GMFB: variants seen among roughly 807,000 people sequenced by gnomAD.
GMFB encodes the protein GMF-beta.
Under a neutral mutation model 25.6 loss-of-function variants are expected in GMFB, and 13 were observed. The observed-to-expected ratio is 0.51, with a 90% CI of 0.33 to 0.81. The LOEUF is 0.81. Ranked by LOEUF, GMFB falls within the 30% of genes least tolerant of loss-of-function variation. GMFB has a pLI of 0.02. For synonymous variants in GMFB, 57 were observed against 56.9 expected (o/e 1.00, Z 0.00); for missense variants, 146 against 175.4 (o/e 0.83, Z 0.95).
At chr14:54,487,760 G>C (rs1290402238) in intron 1 of GMFB, among the ~76,000 whole-genome samples, 2 of 152,150 alleles carry the variant, frequency 1.3e-5, no homozygotes, top group Non-Finnish European at 2.9e-5. Context: ...TCAGAAGCAA[G>C]GTCTTCTGAG....
At chr14:54,484,881 GC>G in intron 1 of GMFB, among the ~76,000 whole-genome samples, 1 of 152,080 alleles carries the variant, frequency 6.6e-6, no homozygotes, top group East Asian at 1.9e-4. Flanking sequence ...TTCAACATGG[GC>G]AAATCAATAA....
intron 2 of GMFB, 28 bp downstream of exon 2, chr14:54,483,643 A>G (rs368428572): frequency 6.2e-6 from 7 of 1,134,042 alleles, no homozygotes; most frequent in Middle Eastern, 2.0e-4. Context: ...AAGACCATGT[A>G]ACTTTGAGGC....
At chr14:54,483,820 T>A in intron 1 of GMFB, 53 bp from the exon 2 acceptor site, 2 of 982,250 alleles carry the variant, frequency 2.0e-6, no homozygotes, top group Non-Finnish European at 3.3e-6. Context: ...TATATGTACA[T>A]GTTAAAGTTA....
At chr14:54,485,592 C>G (rs879579121) in intron 1 of GMFB, among the ~76,000 whole-genome samples, 1 of 152,040 alleles carries the variant, frequency 6.6e-6, no homozygotes, top group Non-Finnish European at 1.5e-5. Flanking sequence ...CCATACTAAC[C>G]CAAAGTGATC....
chr14:54,487,991 A>G (rs1189592498), intron 1 of GMFB, among the ~76,000 whole-genome samples: 1 of 152,224 alleles, frequency 6.6e-6, no homozygotes, highest in African/African-American at 2.4e-5. Context: ...AAGGAAGAGA[A>G]TGCTTCAAAA....
chr14:54,482,642 A>T (rs1395678532), intron 2 of GMFB, among the ~76,000 whole-genome samples: 5 of 152,236 alleles, frequency 3.3e-5, no homozygotes, highest in African/African-American at 7.2e-5. Flanking sequence ...CAAGGTCAGG[A>T]TTTCATGGCA....
chr14:54,485,146 T>C (rs1403281745), intron 1 of GMFB, among the ~76,000 whole-genome samples: 1 of 151,986 alleles, frequency 6.6e-6, no homozygotes, highest in Admixed American at 6.6e-5. Flanking sequence ...ACCACTTTTA[T>C]TCAACATAGT....
chr14:54,479,902 AG>A lies in GMFB; in HGVS notation c.284-44del, dbSNP rs761298925. 4.6e-6 allele frequency: 5 copies of A among 1,093,184 alleles called. No homozygotes were observed. In the South Asian group the frequency reaches 5.0e-5, roughly 11 times the overall value. The allele number at this position is 1,093,184 out of a possible 1,614,324, so 67.7% of individuals were successfully genotyped here. On this transcript the variant is annotated intron_variant, in intron 5 of 6. Coordinates refer to ENST00000358056, the MANE Select transcript of GMFB (RefSeq NM_004124.3). The stretch of plus-strand genomic sequence containing the variant: ...GTGTAGAAATGAGACACAGATTTTG[AG>A]AAAGGTATGGGTTATCATTATTTTT...
chr14:54,484,300 T>G (rs917703688), intron 1 of GMFB, among the ~76,000 whole-genome samples: 2 of 151,928 alleles, frequency 1.3e-5, no homozygotes, highest in African/African-American at 4.8e-5. Context: ...AATTAAATGA[T>G]TATAGAGATA....
At chr14:54,478,932 C>T (rs1029460588) in intron 6 of GMFB, 3 of 152,132 alleles carry the variant, frequency 2.0e-5, no homozygotes, top group East Asian at 1.9e-4. Context: ...GACTTGAGGC[C>T]GTTAACAGCT....
In GMFB at chr14:54,483,786, A is replaced by G. The variant is rs2031745703; in HGVS notation, c.4-19T>C. 7.1e-7 allele frequency: 1 copy of G among 1,401,510 alleles called. No individual in the cohort carries two copies. Among genetic ancestry groups the G allele is most frequent in the Non-Finnish European group, 1.0e-6 (1 of 991,120 alleles). 86.8% of individuals were successfully genotyped at this position (1,401,510 alleles called of 1,614,324 possible). A position where few individuals can be genotyped will look rare whatever the true frequency, so the allele number is the denominator to read the frequency against. On this transcript the variant is annotated intron_variant, in intron 1 of 6. Coordinates refer to ENST00000358056, the MANE Select transcript of GMFB (RefSeq NM_004124.3). Reference sequence around the variant, plus strand: ...ACTCACTCTATAAAAGAAAAAAAACACACATAAAATGCCATGACTTCAATA... The same window carrying G: ...ACTCACTCTATAAAAGAAAAAAAACGCACATAAAATGCCATGACTTCAATA...
At position 54,481,576 on chromosome 14, in the gene GMFB, A is replaced by C. The variant is rs375696543; in HGVS notation, c.151-118T>G. On this transcript the variant is annotated intron_variant, in intron 3 of 6. Coordinates refer to ENST00000358056, the MANE Select transcript of GMFB (RefSeq NM_004124.3). ...ATTTATTACCACATGCTACAAAATA[A>C]AATTTTATCTTACTAAATTATACAT... 2.1e-5 allele frequency: 14 copies of C among 664,724 alleles called. No individual in the cohort carries two copies. In the African/African-American group the frequency reaches 2.4e-4, roughly 11 times the overall value. The allele number at this position is 664,724 out of a possible 1,614,324, so 41.2% of individuals were successfully genotyped here. A position where few individuals can be genotyped will look rare whatever the true frequency, so the allele number is the denominator to read the frequency against.
rs2031662111 is a variant in GMFB, at chr14:54,477,999, G to C, written c.*89C>G. ...TGCAGGAAACAAACTGTAAGTAACA[G>C]TGCATTTTTAGGCATAAATAAGTAT... On this transcript the variant is annotated 3_prime_UTR_variant, in exon 7 of 7. Transcript: ENST00000358056. 3 of 611,120 alleles carry C rather than the reference G, an allele frequency of 4.9e-6. No individual in the cohort carries two copies. The highest frequency in any genetic ancestry group is 8.5e-6 in the Non-Finnish European group (3 of 352,128). The allele number at this position is 611,120 out of a possible 1,614,324, so 37.9% of individuals were successfully genotyped here.
At chr14:54,479,701 A>C in intron 6 of GMFB, 85 bp downstream of exon 6, 1 of 768,074 alleles carries the variant, frequency 1.3e-6, no homozygotes. Flanking sequence ...CTGCATAAAA[A>C]ATACTCCTTT....
At chr14:54,479,109 A>G (rs1370272779) in intron 6 of GMFB, 2 of 152,152 alleles carry the variant, frequency 1.3e-5, no homozygotes, top group Admixed American at 1.3e-4. Context: ...CAAGGGGAAA[A>G]TACTGATGCT....
rs765475461 is a variant in GMFB, at chr14:54,483,801, T to C, written c.4-34A>G. 10 of 1,142,774 alleles carry C rather than the reference T, an allele frequency of 8.8e-6. No individual in the cohort carries two copies. In the South Asian group the frequency reaches 1.2e-4, roughly 14 times the overall value. 70.8% of individuals were successfully genotyped at this position (1,142,774 alleles called of 1,614,324 possible). ...GAAAAAAAACACACATAAAATGCCATGACTTCAATATATGTACATGTTAAA... is the reference window on the plus strand; with the variant it reads ...GAAAAAAAACACACATAAAATGCCACGACTTCAATATATGTACATGTTAAA... On this transcript the variant is annotated intron_variant, in intron 1 of 6. Coordinates refer to ENST00000358056, the MANE Select transcript of GMFB (RefSeq NM_004124.3).
chr14:54,483,625 A>T, intron 2 of GMFB, 46 bp downstream of exon 2: 1 of 976,558 alleles, frequency 1.0e-6, no homozygotes, highest in Admixed American at 2.0e-5. Context: ...CAAGATTAAA[A>T]ACAAATTAAG....
chr14:54,485,586 A>G (rs1176026221), intron 1 of GMFB, among the ~76,000 whole-genome samples: 2 of 152,210 alleles, frequency 1.3e-5, no homozygotes, highest in African/African-American at 2.4e-5. Flanking sequence ...AAATGTCCAT[A>G]CTAACCCAAA....
In GMFB at chr14:54,486,017, C is replaced by T. The variant is rs559727709; in HGVS notation, c.4-2250G>A. ...CTGTAATCCCAGCACTTTGGGAGGCCGAGGCGGGCGGATCATGAGGTCAGG... is the reference window on the plus strand; with the variant it reads ...CTGTAATCCCAGCACTTTGGGAGGCTGAGGCGGGCGGATCATGAGGTCAGG... On this transcript the variant is annotated intron_variant, in intron 1 of 6. Coordinates refer to ENST00000358056, the MANE Select transcript of GMFB (RefSeq NM_004124.3). Among the ~76,000 whole-genome samples, 15 of 152,192 alleles carry T rather than the reference C, an allele frequency of 9.9e-5. No individual in the cohort carries two copies. In the East Asian group the frequency reaches 2.5e-3, roughly 25 times the overall value.
Sources: allele counts gnomAD v4.1 joint callset (sites outside exome capture counted in the v4.1 genomes callset), GRCh38; gene constraint gnomAD v4.1.1; transcripts MANE v1.5; gene names NCBI Gene and HGNC (gene_info 2026-07-23, HGNC 2026-07-21).